GGPS1: variants seen among roughly 807,000 people sequenced by gnomAD.
The protein encoded by GGPS1 is geranylgeranyl diphosphate synthase 1.
A neutral mutation model predicts 28.1 loss-of-function variants in GGPS1; 15 were observed. That is an observed-to-expected ratio of 0.53 (90% CI 0.36 to 0.82). The LOEUF is 0.82. Ranked by LOEUF, GGPS1 falls within the 40% of genes least tolerant of loss-of-function variation. The pLI, the probability that GGPS1 is intolerant of heterozygous loss-of-function variation, is 0.01. For missense variants in GGPS1, 284 were observed against 348.3 expected (o/e 0.82, Z 1.47); for synonymous variants, 138 against 122.4 (o/e 1.13, Z -0.84).
chr1:235,342,473 A>G lies in GGPS1; in HGVS notation c.604A>G (p.Lys202Glu). Residue 202 changes from lysine to glutamate, a missense_variant, in exon 4 of 4, where the codon AAA becomes GAA. Coordinates refer to ENST00000282841, the MANE Select transcript of GGPS1 (RefSeq NM_004837.4). Reference protein sequence around the residue: ...NLHSKEYSENKSFCEDLTEGK... With the variant: ...NLHSKEYSENESFCEDLTEGK... Reference sequence around the variant, plus strand: ...ACACTCCAAAGAATATAGTGAAAACAAAAGTTTTTGTGAAGATCTGACAGA... The same window carrying G: ...ACACTCCAAAGAATATAGTGAAAACGAAAGTTTTTGTGAAGATCTGACAGA... The G allele has an allele frequency of 6.2e-7, 1 of 1,613,758 alleles. No homozygotes were observed. The highest frequency in any genetic ancestry group is 8.5e-7 in the Non-Finnish European group (1 of 1,179,804).
At chr1:235,341,885 A>C in intron 3 of GGPS1, 107 bp downstream of exon 3, 1 of 876,748 alleles carries the variant, frequency 1.1e-6, no homozygotes, top group Non-Finnish European at 1.8e-6. Flanking sequence ...ATATTATTTT[A>C]TATTGAGGTT....
chr1:235,341,249 C>G (rs760171430), intron 2 of GGPS1, among the ~76,000 whole-genome samples: 1 of 152,084 alleles, frequency 6.6e-6, no homozygotes, highest in Non-Finnish European at 1.5e-5. Context: ...ATCATGTGAA[C>G]CCAGGAGGTG....
intron 1 of GGPS1, chr1:235,330,031 T>C (rs1217520548): frequency 1.3e-5 from 2 of 152,228 alleles, no homozygotes; most frequent in African/African-American, 4.8e-5. Flanking sequence ...GTAGAGTTCA[T>C]GTAACACACA....
In GGPS1 at chr1:235,342,818, CTTTT is replaced by C; in HGVS notation, c.*51_*54del. 1 of 1,356,566 alleles carries C rather than the reference CTTTT, an allele frequency of 7.4e-7. No homozygotes were observed. The highest frequency in any genetic ancestry group is 1.0e-6 in the Non-Finnish European group (1 of 990,172). 84.0% of individuals were successfully genotyped at this position (1,356,566 alleles called of 1,614,324 possible). ...GACCTCATAGCTTATTTTAGTTAAT[CTTTT>C]TTTTGTCTTTTAGCCTTACCACCTT... On this transcript the variant is annotated 3_prime_UTR_variant, in exon 4 of 4. Transcript: ENST00000282841.
At chr1:235,337,284 AC>A (rs1411894849) in intron 2 of GGPS1, among the ~76,000 whole-genome samples, 1 of 152,244 alleles carries the variant, frequency 6.6e-6, no homozygotes, top group East Asian at 1.9e-4. Context: ...GCCTACAGTT[AC>A]ATTTTAACCA....
At position 235,342,774 on chromosome 1, in the gene GGPS1, G is replaced by GTTAA; in HGVS notation, c.*3_*6dup. The GTTAA allele has an allele frequency of 6.4e-7, 1 of 1,554,850 alleles. No individual in the cohort carries two copies. The highest frequency in any genetic ancestry group is 8.7e-7 in the Non-Finnish European group (1 of 1,149,426). On this transcript the variant is annotated 3_prime_UTR_variant, in exon 4 of 4. Coordinates refer to ENST00000282841, the MANE Select transcript of GGPS1 (RefSeq NM_004837.4). ...ATGTTCAAAGAAGAAAATGAATAAT[G>GTTAA]TTAAGCCATTCTTGATTGGACCTCA...
chr1:235,337,428 T>A (rs1468505775), intron 2 of GGPS1, among the ~76,000 whole-genome samples: 1 of 152,192 alleles, frequency 6.6e-6, no homozygotes, highest in African/African-American at 2.4e-5. Context: ...TTTATTCAAG[T>A]ACGTTCTTGA....
intron 1 of GGPS1, among the ~76,000 whole-genome samples, chr1:235,332,417 G>A (rs141472002): frequency 7.3e-5 from 11 of 151,462 alleles, no homozygotes; most frequent in African/African-American, 2.7e-4. Context: ...TTTAATGGCT[G>A]AGTAATCATT....
Position 235,328,776 on chromosome 1 carries a change from A to T in GGPS1, c.-26A>T, listed in dbSNP as rs920303595. 2.0e-5 allele frequency: 3 copies of T among 150,886 alleles called. No individual in the cohort carries two copies. The highest frequency in any genetic ancestry group is 7.4e-5 in the African/African-American group (3 of 40,688). The allele number at this position is 150,886 out of a possible 1,614,324, so 9.3% of individuals were successfully genotyped here. Reference sequence around the variant, plus strand: ...GTGAAAGTCGTGATATCATCGTTGAACTGTGAGCGGCAGTGGCGGCGGCTG... The same window carrying T: ...GTGAAAGTCGTGATATCATCGTTGATCTGTGAGCGGCAGTGGCGGCGGCTG... On this transcript the variant is annotated splice_region_variant and 5_prime_UTR_variant, in exon 1 of 4. Transcript: ENST00000282841.
intron 3 of GGPS1, 107 bp downstream of exon 3, chr1:235,341,885 A>T: frequency 1.1e-6 from 1 of 876,748 alleles, no homozygotes; most frequent in Non-Finnish European, 1.8e-6. Context: ...ATATTATTTT[A>T]TATTGAGGTT....
rs187792212 is a variant in GGPS1, at chr1:235,337,875, C to A, written c.70+2541C>A. Among the ~76,000 whole-genome samples the A allele has an allele frequency of 1.3e-3, 203 of 150,824 alleles. 1 individual carries two copies. The highest frequency in any genetic ancestry group is 4.8e-3 in the African/African-American group (195 of 41,050). Reference sequence around the variant, plus strand: ...GAAAATTATTTTTATTTTTAAATTTCTCATACTTGCTGTCATCTTATGTTT... The same window carrying A: ...GAAAATTATTTTTATTTTTAAATTTATCATACTTGCTGTCATCTTATGTTT... On this transcript the variant is annotated intron_variant, in intron 2 of 3. Transcript: ENST00000282841.
At chr1:235,327,779 G>A (rs1041532823), upstream of GGPS1, 1 of 152,694 alleles carries the variant, frequency 6.5e-6, no homozygotes, top group Non-Finnish European at 1.5e-5. Context: ...CTTCCTCGGA[G>A]GCGAGATCTG....
chr1:235,337,108 A>G (rs1427985441), intron 2 of GGPS1: 1 of 161,696 alleles, frequency 6.2e-6, no homozygotes, highest in African/African-American at 2.4e-5. Flanking sequence ...GCACAGTTTC[A>G]CTTTCACTCT....
At chr1:235,327,217 A>C, upstream of GGPS1, 1 of 342,026 alleles carries the variant, frequency 2.9e-6, no homozygotes. Context: ...CCCGTCTACG[A>C]CAATGACGCC....
chr1:235,336,808 G>A (rs1240653002), intron 2 of GGPS1: 2 of 152,402 alleles, frequency 1.3e-5, no homozygotes, highest in African/African-American at 2.4e-5. Flanking sequence ...CTTCTCTGTG[G>A]TAATATGTGC....
At chr1:235,338,283 G>A (rs1463182223) in intron 2 of GGPS1, among the ~76,000 whole-genome samples, 1 of 151,816 alleles carries the variant, frequency 6.6e-6, no homozygotes, top group Non-Finnish European at 1.5e-5. Flanking sequence ...CTGGGGGACT[G>A]AGGTGGGATG....
At chr1:235,331,904 T>A (rs1360325196) in intron 1 of GGPS1, among the ~76,000 whole-genome samples, 1 of 152,210 alleles carries the variant, frequency 6.6e-6, no homozygotes, top group Non-Finnish European at 1.5e-5. Flanking sequence ...GACAATGTGG[T>A]TCAAACCATT....
chr1:235,331,544 C>T (rs763301326), intron 1 of GGPS1, among the ~76,000 whole-genome samples: 1 of 151,540 alleles, frequency 6.6e-6, no homozygotes, highest in Non-Finnish European at 1.5e-5. Context: ...CATTCAGGGA[C>T]TATATGATCT....
At position 235,342,728 on chromosome 1, in the gene GGPS1, T is replaced by A; in HGVS notation, c.859T>A (p.Leu287Ile). 1 of 1,600,588 alleles carries A rather than the reference T, an allele frequency of 6.2e-7. No individual in the cohort carries two copies. Reference sequence around the variant, plus strand: ...TGGTGGGAACCCTGAGCTAGTAGCCTTAGTAAAACACTTAAGTAAGATGTT... The same window carrying A: ...TGGTGGGAACCCTGAGCTAGTAGCCATAGTAAAACACTTAAGTAAGATGTT... The part of the protein sequence containing the change: ...ARGGNPELVA[L>I]VKHLSKMFKE... Residue 287 changes from leucine (L) to isoleucine (I), a missense_variant, in exon 4 of 4, where the codon TTA (leucine) becomes ATA (isoleucine). Physicochemically the swap from Leu to Ile is conservative, Grantham distance 5. Transcript: ENST00000282841.
Sources: gnomAD v4.1 joint callset for allele counts (sites outside exome capture counted in the v4.1 genomes callset) on GRCh38, gnomAD v4.1.1 for gene constraint, MANE v1.5 for transcripts, NCBI Gene and HGNC (gene_info 2026-07-23, HGNC 2026-07-21) for gene names.